TRAPPC12: variants seen among roughly 807,000 people sequenced by gnomAD.
TRAPPC12 encodes the protein TPR repeat protein 15.
TRAPPC12 carries 61 observed loss-of-function variants against 69.2 expected under a neutral mutation model. The observed-to-expected ratio is 0.88, with a 90% CI of 0.72 to 1.09. The LOEUF (loss-of-function observed/expected upper bound fraction) is 1.09. TRAPPC12 is among the 50% of genes least tolerant of loss of function. The pLI is 0.00. For missense variants in TRAPPC12, 1,101 were observed against 1,016.4 expected (o/e 1.08, Z -1.13); for synonymous variants, 469 against 438.9 (o/e 1.07, Z -0.86).
At chr2:3,396,091 A>G (rs575032965) in intron 2 of TRAPPC12, among the ~76,000 whole-genome samples, 1 of 152,122 alleles carries the variant, frequency 6.6e-6, no homozygotes, top group East Asian at 1.9e-4. Context: ...TCTTGAACTC[A>G]TGACCTCAAG....
chr2:3,465,400 CG>C (rs139127382), intron 8 of TRAPPC12, among the ~76,000 whole-genome samples, 196 bp from the exon 9 acceptor site: 3,279 of 152,288 alleles, frequency 0.022, 121 homozygotes, highest in African/African-American at 0.074. Context: ...CTCAGAATCC[CG>C]GCCCGACTGC....
chr2:3,382,946 A>T (rs73135188), intron 1 of TRAPPC12, among the ~76,000 whole-genome samples: 3,207 of 152,306 alleles, frequency 0.021, 135 homozygotes, highest in African/African-American at 0.073. Context: ...ATACTAATAA[A>T]ATAATAGAAA....
chr2:3,424,031 G>A (rs539526852), intron 4 of TRAPPC12, among the ~76,000 whole-genome samples: 22 of 152,206 alleles, frequency 1.4e-4, no homozygotes, highest in Admixed American at 1.4e-3. Flanking sequence ...CCATCCCTGC[G>A]CTTCCTCTCC....
intron 8 of TRAPPC12, among the ~76,000 whole-genome samples, chr2:3,462,022 GTC>G (rs1665534911): frequency 6.6e-6 from 1 of 152,264 alleles, no homozygotes; most frequent in Non-Finnish European, 1.5e-5. Flanking sequence ...TCACCTGAAA[GTC>G]ACCAGCTTGC....
Position 3,457,506 on chromosome 2 carries a change from C to A in TRAPPC12, c.1531-115C>A, listed in dbSNP as rs138308612. On this transcript the variant is annotated intron_variant, in intron 6 of 11. Coordinates refer to ENST00000324266, the MANE Select transcript of TRAPPC12 (RefSeq NM_016030.6). ...TTTTTAAAAGTATGTGTGAACATCC[C>A]TTGACAAATTGTTTTCATCCAGAGA... is the stretch of plus-strand genomic sequence containing the variant. 4,728 of 765,734 alleles carry A rather than the reference C, an allele frequency of 6.2e-3. 22 individuals are homozygous for A. Among genetic ancestry groups the A allele is most frequent in the Non-Finnish European group, 8.1e-3 (3,615 of 446,760 alleles). 47.4% of individuals were successfully genotyped at this position (765,734 alleles called of 1,614,324 possible). A position where few individuals can be genotyped will look rare whatever the true frequency, so the allele number is the denominator to read the frequency against.
chr2:3,390,986 T>G (rs1660793512), intron 2 of TRAPPC12, among the ~76,000 whole-genome samples: 3 of 152,192 alleles, frequency 2.0e-5, no homozygotes, highest in Admixed American at 2.0e-4. Flanking sequence ...AAACAGAATA[T>G]TTAATGAGGT....
intron 5 of TRAPPC12, among the ~76,000 whole-genome samples, chr2:3,432,600 A>G (rs567040343): frequency 2.4e-4 from 37 of 152,346 alleles, no homozygotes; most frequent in African/African-American, 8.7e-4. Context: ...CCAGGTCACA[A>G]TGCTTTGCAT....
At chr2:3,395,185 A>G (rs1661056297) in intron 2 of TRAPPC12, among the ~76,000 whole-genome samples, 1 of 152,202 alleles carries the variant, frequency 6.6e-6, no homozygotes, top group Admixed American at 6.5e-5. Context: ...GGTATAGTCA[A>G]CTTTTTTCGA....
chr2:3,458,052 G>A, intron 7 of TRAPPC12: 1 of 362,864 alleles, frequency 2.8e-6, no homozygotes, highest in Non-Finnish European at 3.1e-6. Flanking sequence ...AGAGGCCTCT[G>A]CGTCGGGGAC....
chr2:3,411,319 A>C (rs978227266), intron 3 of TRAPPC12, among the ~76,000 whole-genome samples: 1 of 152,210 alleles, frequency 6.6e-6, no homozygotes, highest in Non-Finnish European at 1.5e-5. Flanking sequence ...GAGAAGTGAC[A>C]TGCACACGGT....
rs1393521963 is a variant in TRAPPC12 at position 3,414,791 on chromosome 2, G to A, written c.1165-7090G>A. 6.6e-6 allele frequency among the ~76,000 whole-genome samples: 1 copy of A among 152,136 alleles called. No homozygotes were observed. The highest frequency in any genetic ancestry group is 1.5e-5 in the Non-Finnish European group (1 of 68,026). ...CCCCACCCCTGTGCCACCGGTCTCG[G>A]TGTCTCCCACACTGGAGTGTCCGTA... is the stretch of plus-strand genomic sequence containing the variant. On this transcript the variant is annotated intron_variant, in intron 3 of 11. Coordinates refer to ENST00000324266, the MANE Select transcript of TRAPPC12 (RefSeq NM_016030.6). The surrounding 1 kb of genome is among the most constrained non-coding windows in gnomAD (Gnocchi z 4.9).
chr2:3,397,182 A>G (rs950009235), intron 2 of TRAPPC12, among the ~76,000 whole-genome samples: 3 of 152,226 alleles, frequency 2.0e-5, no homozygotes, highest in Admixed American at 6.5e-5. Context: ...CTTCCTTTGA[A>G]AAGACTTGCC....
Position 3,457,910 on chromosome 2 carries a change from G to A in TRAPPC12, c.1603+217G>A, listed in dbSNP as rs185370833. ...GTGCAGCCTCAGACCCGAACCCTGC[G>A]CCCGGGGAGAAGACACGCCTTCACC... On this transcript the variant is annotated intron_variant, in intron 7 of 11. Transcript: ENST00000324266. 230 of 1,411,028 alleles carry A rather than the reference G, an allele frequency of 1.6e-4. No homozygotes were observed. The African/African-American group carries it at 2.8e-3, about 17-fold the overall frequency. 87.4% of individuals were successfully genotyped at this position (1,411,028 alleles called of 1,614,324 possible).
chr2:3,469,861 C>T (rs1665985022), intron 9 of TRAPPC12, among the ~76,000 whole-genome samples: 1 of 152,218 alleles, frequency 6.6e-6, no homozygotes, highest in South Asian at 2.1e-4. Context: ...TTACAAATCA[C>T]ATTGTAACAT....
chr2:3,400,631 G>A (rs937731733), intron 2 of TRAPPC12, among the ~76,000 whole-genome samples: 71 of 152,308 alleles, frequency 4.7e-4, no homozygotes, highest in African/African-American at 1.7e-3. Context: ...GGAGAGCATC[G>A]TGTCCTGTGA....
At chr2:3,419,741 A>G (rs994471457) in intron 3 of TRAPPC12, among the ~76,000 whole-genome samples, 1 of 152,196 alleles carries the variant, frequency 6.6e-6, no homozygotes, top group Admixed American at 6.5e-5. Flanking sequence ...CGTGGAGGCC[A>G]GTACTCACCG....
At chr2:3,451,338 A>G (rs1260897095) in intron 6 of TRAPPC12, among the ~76,000 whole-genome samples, 2 of 152,076 alleles carry the variant, frequency 1.3e-5, no homozygotes, top group African/African-American at 4.8e-5. Context: ...GCCCCTCCAC[A>G]CTATGCACAG....
chr2:3,392,125 A>T (rs1008111229), intron 2 of TRAPPC12, among the ~76,000 whole-genome samples: 13 of 152,196 alleles, frequency 8.5e-5, no homozygotes, highest in African/African-American at 3.1e-4. Context: ...TAGGGCTAAG[A>T]GTACTCAGTA....
chr2:3,381,405 A>G (rs1660202180), intron 1 of TRAPPC12, among the ~76,000 whole-genome samples: 1 of 152,228 alleles, frequency 6.6e-6, no homozygotes, highest in South Asian at 2.1e-4. Flanking sequence ...CAAATACAGA[A>G]TTACTTAAAT....
Sources: gnomAD v4.1 joint callset for allele counts (sites outside exome capture counted in the v4.1 genomes callset) on GRCh38, gnomAD v4.1.1 for gene constraint, Gnocchi (gnomAD v3.1) non-coding constraint, MANE v1.5 for transcripts, NCBI Gene and HGNC (gene_info 2026-07-23, HGNC 2026-07-21) for gene names.